Variants in KIAA1217 observed in about 807,000 individuals in gnomAD.
The protein encoded by KIAA1217 is KIAA1217, also known as sickle tail protein homolog.
In KIAA1217, 88 loss-of-function variants were observed where a neutral mutation model predicts 163.9. The ratio of observed to expected loss-of-function variants is 0.54; its 90% CI spans 0.45 to 0.64. The LOEUF is 0.64. KIAA1217 is among the 30% of genes least tolerant of loss of function. The pLI, the probability that KIAA1217 is intolerant of heterozygous loss-of-function variation, is 0.00. For missense variants in KIAA1217, 2,372 were observed against 2,475.0 expected, an observed-to-expected ratio of 0.96 and a Z score of 0.88; for synonymous variants, 903 against 923.1, an observed-to-expected ratio of 0.98 and a Z score of 0.39.
chr10:24,215,668 CA>C (rs1397191118), intron 1 of KIAA1217, among the ~76,000 whole-genome samples: 1 of 152,188 alleles, frequency 6.6e-6, no homozygotes, highest in African/African-American at 2.4e-5. Flanking sequence ...GCTGGAATGG[CA>C]GAGTTGTTGC....
intron 1 of KIAA1217, among the ~76,000 whole-genome samples, chr10:23,848,034 A>T (rs1428115424): frequency 6.6e-6 from 1 of 152,052 alleles, no homozygotes; most frequent in Non-Finnish European, 1.5e-5. Context: ...GTTTTGAGTG[A>T]GTTTCTTAAT....
At chr10:23,828,553 C>T (rs1034594288) in intron 1 of KIAA1217, among the ~76,000 whole-genome samples, 2 of 152,146 alleles carry the variant, frequency 1.3e-5, no homozygotes, top group Non-Finnish European at 2.9e-5. Context: ...CCACTTATAA[C>T]TTTTTGTCTA....
chr10:24,517,533 G>A (rs2070386089), intron 10 of KIAA1217, among the ~76,000 whole-genome samples: 1 of 152,142 alleles, frequency 6.6e-6, no homozygotes, highest in African/African-American at 2.4e-5. Flanking sequence ...TGGAATATCA[G>A]AACAGTGATA....
intron 2 of KIAA1217, among the ~76,000 whole-genome samples, chr10:24,150,404 T>C (rs1340309478): frequency 6.6e-6 from 1 of 152,204 alleles, no homozygotes; most frequent in Admixed American, 6.5e-5. Flanking sequence ...AATGATCATC[T>C]TACCTTCATA....
chr10:24,194,079 C>T (rs183135335), intron 2 of KIAA1217, among the ~76,000 whole-genome samples: 1,813 of 152,030 alleles, frequency 0.012, 37 homozygotes, highest in African/African-American at 0.042. Context: ...CCCAGCTACT[C>T]AGGAGGCTGA....
intron 1 of KIAA1217, among the ~76,000 whole-genome samples, chr10:23,773,282 G>A (rs1011357840): frequency 1.1e-4 from 17 of 151,978 alleles, no homozygotes; most frequent in African/African-American, 4.1e-4. Context: ...TAGATATGCG[G>A]CGTTATTTCT....
intron 14 of KIAA1217, among the ~76,000 whole-genome samples, chr10:24,531,305 C>A (rs2073085540): frequency 6.6e-6 from 1 of 152,166 alleles, no homozygotes; most frequent in Admixed American, 6.5e-5. Context: ...TTTTCTCTGG[C>A]CCTCCCTAAG....
chr10:24,274,717 C>G (rs1475260542), intron 2 of KIAA1217, among the ~76,000 whole-genome samples: 1 of 152,034 alleles, frequency 6.6e-6, no homozygotes, highest in Admixed American at 6.6e-5. Context: ...AACCAATCAA[C>G]AAAAATCCTT....
At chr10:23,997,425 C>T (rs1171118712) in intron 1 of KIAA1217, among the ~76,000 whole-genome samples, 1 of 152,114 alleles carries the variant, frequency 6.6e-6, no homozygotes, top group Non-Finnish European at 1.5e-5. Flanking sequence ...CTTTGGCTAA[C>T]TCACATTTGA....
chr10:24,284,698 C>T (rs1031959075), intron 2 of KIAA1217, among the ~76,000 whole-genome samples: 2 of 152,168 alleles, frequency 1.3e-5, no homozygotes, highest in Non-Finnish European at 2.9e-5. Context: ...TTGCAATAAA[C>T]ATACAAGTGC....
intron 1 of KIAA1217, among the ~76,000 whole-genome samples, chr10:23,697,197 G>T (rs1418321903): frequency 6.6e-6 from 1 of 152,170 alleles, no homozygotes; most frequent in Non-Finnish European, 1.5e-5. Flanking sequence ...TTCTCATGTG[G>T]CTGTGTTGAT....
chr10:23,793,180 A>G (rs73604419), intron 1 of KIAA1217, among the ~76,000 whole-genome samples: 8,812 of 152,098 alleles, frequency 0.058, 411 homozygotes, highest in African/African-American at 0.12. Flanking sequence ...GTTCCTGTGT[A>G]TGTTCTTGTC....
intron 1 of KIAA1217, among the ~76,000 whole-genome samples, chr10:23,913,063 T>C (rs1842501379): frequency 6.6e-6 from 1 of 152,184 alleles, no homozygotes; most frequent in Non-Finnish European, 1.5e-5. Flanking sequence ...ATTTCCTTCA[T>C]TTAACCTTAA....
At chr10:24,206,507 C>G (rs1332520482), upstream of KIAA1217, among the ~76,000 whole-genome samples, 2 of 152,146 alleles carry the variant, frequency 1.3e-5, no homozygotes, top group African/African-American at 4.8e-5. Context: ...AGGAAGGTCT[C>G]TGTGCTTTGG....
At chr10:24,291,056 C>T (rs995324380) in intron 2 of KIAA1217, among the ~76,000 whole-genome samples, 3 of 152,166 alleles carry the variant, frequency 2.0e-5, no homozygotes, top group African/African-American at 7.2e-5. Context: ...TGGAATGCTT[C>T]CTCCTTCTTG....
intron 2 of KIAA1217, among the ~76,000 whole-genome samples, chr10:24,148,653 C>T (rs747295794): frequency 9.9e-5 from 15 of 152,160 alleles, no homozygotes; most frequent in Non-Finnish European, 7.3e-5. Flanking sequence ...CTGTGCCTTC[C>T]GCCTTGATTG....
At chr10:23,895,332 G>A (rs1478641975) in intron 1 of KIAA1217, among the ~76,000 whole-genome samples, 1 of 152,008 alleles carries the variant, frequency 6.6e-6, no homozygotes, top group Non-Finnish European at 1.5e-5. Context: ...GTGAGCGAAG[G>A]ACATGAACAG....
At chr10:23,762,276 A>G (rs1834295688) in intron 1 of KIAA1217, among the ~76,000 whole-genome samples, 1 of 151,948 alleles carries the variant, frequency 6.6e-6, no homozygotes. Context: ...TTATGAAGCC[A>G]ACATCATCCT....
At chr10:24,374,171 A>T (rs1309586212) in intron 2 of KIAA1217, among the ~76,000 whole-genome samples, 1 of 152,242 alleles carries the variant, frequency 6.6e-6, no homozygotes, top group Non-Finnish European at 1.5e-5. Context: ...CTTCCCCTTT[A>T]TCTAAGTCAG....
Sources: gnomAD v4.1 joint callset for allele counts (sites outside exome capture counted in the v4.1 genomes callset) on GRCh38, gnomAD v4.1.1 for gene constraint, MANE v1.5 for transcripts, NCBI Gene and HGNC (gene_info 2026-07-23, HGNC 2026-07-21) for gene names.